Variants in SGCD observed in about 807,000 individuals in gnomAD.
SGCD encodes the protein sarcoglycan delta.
In SGCD, 18 loss-of-function variants were observed where a neutral mutation model predicts 36.6. The ratio of observed to expected loss-of-function variants is 0.49; its 90% CI spans 0.34 to 0.73. The LOEUF (loss-of-function observed/expected upper bound fraction) is 0.73. Among genes scored for constraint, SGCD ranks in the 30% least tolerant of loss-of-function variants. The probability of loss-of-function intolerance (pLI) is 0.01; values close to 1 mark genes in which losing one functional copy is unlikely to be tolerated. For missense variants in SGCD, 387 were observed against 346.7 expected (o/e 1.12, Z -0.92); for synonymous variants, 133 against 130.6 (o/e 1.02, Z -0.12).
chr5:155,807,355 T>A, the SGCD span, among the ~76,000 whole-genome samples: 1 of 152,220 alleles, frequency 6.6e-6, no homozygotes, highest in Non-Finnish European at 1.5e-5. Flanking sequence ...GTGAGGAAGC[T>A]CCTTGAAGGC....
At chr5:155,921,156 AT>A (rs1246923918) in intron 1 of SGCD, among the ~76,000 whole-genome samples, 2 of 152,168 alleles carry the variant, frequency 1.3e-5, no homozygotes, top group Non-Finnish European at 2.9e-5. Flanking sequence ...GGGAGAGCAT[AT>A]TAACAGTGTC....
At chr5:156,667,020 CCAAAATG>C (rs1368200874) in intron 7 of SGCD, among the ~76,000 whole-genome samples, 1 of 152,070 alleles carries the variant, frequency 6.6e-6, no homozygotes, top group Non-Finnish European at 1.5e-5. Flanking sequence ...AATCCAAAAT[CCAAAATG>C]CTCTAAAATT....
chr5:156,523,658 T>G (rs1243033358), intron 4 of SGCD, among the ~76,000 whole-genome samples: 1 of 152,106 alleles, frequency 6.6e-6, no homozygotes, highest in East Asian at 1.9e-4. Context: ...TTCTGATTCT[T>G]ATGAAGGAAC....
At chr5:156,115,379 G>T (rs1464823761) in intron 1 of SGCD, among the ~76,000 whole-genome samples, 1 of 151,894 alleles carries the variant, frequency 6.6e-6, no homozygotes, top group East Asian at 1.9e-4. Context: ...AGGGGATAGG[G>T]TAGTGAAATC....
chr5:156,100,537 G>A (rs779162536), intron 1 of SGCD, among the ~76,000 whole-genome samples: 13 of 152,112 alleles, frequency 8.5e-5, no homozygotes, highest in East Asian at 1.9e-4. Context: ...TCTTCCTTTC[G>A]TTATAAGAAA....
intron 1 of SGCD, among the ~76,000 whole-genome samples, chr5:156,049,474 A>C (rs1463661511): frequency 6.9e-6 from 1 of 145,946 alleles, no homozygotes; most frequent in Non-Finnish European, 1.5e-5. Flanking sequence ...ATGTTCTTCC[A>C]TTTGTTTGTA....
intron 1 of SGCD, among the ~76,000 whole-genome samples, chr5:156,109,732 T>G (rs1180332514): frequency 6.6e-6 from 1 of 152,186 alleles, no homozygotes; most frequent in African/African-American, 2.4e-5. Context: ...CCCCTCTCTC[T>G]GATGTCTCAG....
rs548573611 is a variant in SGCD at position 156,231,967 on chromosome 5, C to T, written c.-43-97567C>T. Among the ~76,000 whole-genome samples, 8 of 152,252 alleles carry T rather than the reference C, an allele frequency of 5.3e-5. No homozygotes were observed. In the East Asian group the frequency reaches 1.5e-3, roughly 29 times the overall value. ...TCAACTAAGACAGCTTGAGGACTAG[C>T]TTTAGGATTGATCCTCAGAGGCAGT... is the stretch of plus-strand genomic sequence containing the variant. On this transcript the variant is annotated intron_variant, in intron 3 of 9. Coordinates refer to the SGCD transcript ENST00000517913.
At chr5:156,271,495 T>C (rs1766178680) in intron 3 of SGCD, among the ~76,000 whole-genome samples, 1 of 152,188 alleles carries the variant, frequency 6.6e-6, no homozygotes, top group Non-Finnish European at 1.5e-5. Flanking sequence ...GGAAATTATA[T>C]ATAAATATTT....
chr5:155,990,132 T>C (rs544842181), intron 1 of SGCD, among the ~76,000 whole-genome samples: 13 of 152,300 alleles, frequency 8.5e-5, no homozygotes, highest in African/African-American at 2.9e-4. Flanking sequence ...CTTGTTTCCA[T>C]GTAGTGAAAA....
At chr5:156,250,796 A>G (rs542347397) in intron 3 of SGCD, among the ~76,000 whole-genome samples, 1 of 152,320 alleles carries the variant, frequency 6.6e-6, no homozygotes, top group Non-Finnish European at 1.5e-5. Flanking sequence ...TTTGGAGTCA[A>G]TGCCAATAAA....
chr5:156,513,217 C>A (rs1039488218), intron 4 of SGCD, among the ~76,000 whole-genome samples: 1 of 152,176 alleles, frequency 6.6e-6, no homozygotes, highest in African/African-American at 2.4e-5. Context: ...GAGGTTATTG[C>A]CAGCTGAAAG....
At chr5:156,089,064 G>A (rs974515028) in intron 1 of SGCD, among the ~76,000 whole-genome samples, 3 of 152,174 alleles carry the variant, frequency 2.0e-5, no homozygotes, top group African/African-American at 7.2e-5. Context: ...GCTCATCTGT[G>A]GAGTAGGCAG....
At chr5:156,341,861 G>T (rs1768674032) in intron 2 of SGCD, among the ~76,000 whole-genome samples, 1 of 152,146 alleles carries the variant, frequency 6.6e-6, no homozygotes, top group Non-Finnish European at 1.5e-5. Context: ...ACAGGCACCT[G>T]CCACCATGCC....
At chr5:156,382,946 GCATAATTGTTTGCATC>G (rs2127748971) in intron 3 of SGCD, among the ~76,000 whole-genome samples, 1 of 152,288 alleles carries the variant, frequency 6.6e-6, no homozygotes, top group Non-Finnish European at 1.5e-5. Flanking sequence ...TAACTATTTA[GCATAATTGTTTGCATC>G]CTTAGCAACA....
chr5:155,814,357 T>C, the SGCD span, among the ~76,000 whole-genome samples: 1 of 152,240 alleles, frequency 6.6e-6, no homozygotes, highest in South Asian at 2.1e-4. Flanking sequence ...GGACACTTTC[T>C]TTATCCTCCA....
intron 4 of SGCD, among the ~76,000 whole-genome samples, chr5:156,555,452 C>T (rs2113217921): frequency 6.6e-6 from 1 of 152,226 alleles, no homozygotes; most frequent in Middle Eastern, 3.4e-3. Context: ...ATTCTGTCGT[C>T]CCAGCATCAT....
the SGCD span, among the ~76,000 whole-genome samples, chr5:155,821,018 C>A: frequency 6.6e-6 from 1 of 152,032 alleles, no homozygotes; most frequent in Non-Finnish European, 1.5e-5. Context: ...CCAAGTCCAG[C>A]CCCACAGAGA....
At chr5:155,991,679 C>T (rs935525101) in intron 1 of SGCD, among the ~76,000 whole-genome samples, 4 of 152,292 alleles carry the variant, frequency 2.6e-5, no homozygotes, top group Non-Finnish European at 5.9e-5. Context: ...CTTTTGAACT[C>T]TCCATTTATA....
Sources: allele counts gnomAD v4.1 joint callset (sites outside exome capture counted in the v4.1 genomes callset), GRCh38; gene constraint gnomAD v4.1.1; transcripts MANE v1.5; gene names NCBI Gene and HGNC (gene_info 2026-07-23, HGNC 2026-07-21).